Variants in TNR observed in about 807,000 individuals in gnomAD.
TNR encodes the protein tenascin-R.
A neutral mutation model predicts 150.4 loss-of-function variants in TNR; 45 were observed. The ratio of observed to expected loss-of-function variants is 0.30; its 90% CI spans 0.24 to 0.38. The LOEUF is 0.38. Among genes scored for constraint, TNR ranks in the 10% least tolerant of loss-of-function variants. The pLI, the probability that TNR is intolerant of heterozygous loss-of-function variation, is 1.00. For missense variants in TNR, 1,544 were observed against 1,759.1 expected (o/e 0.88, Z 2.19); for synonymous variants, 687 against 678.4 (o/e 1.01, Z -0.20).
At chr1:175,462,732 C>T (rs1370494733) in intron 2 of TNR, among the ~76,000 whole-genome samples, 1 of 152,134 alleles carries the variant, frequency 6.6e-6, no homozygotes, top group Non-Finnish European at 1.5e-5. Flanking sequence ...TTTATCCTGA[C>T]AAGGTGAGTG....
At chr1:175,440,544 A>T (rs1021543643) in intron 2 of TNR, among the ~76,000 whole-genome samples, 12 of 151,828 alleles carry the variant, frequency 7.9e-5, no homozygotes, top group African/African-American at 1.9e-4. Context: ...AAAATAAAAT[A>T]AAATAAAGGA....
chr1:175,520,482 G>A (rs1044015154), intron 2 of TNR, among the ~76,000 whole-genome samples: 15 of 152,284 alleles, frequency 9.9e-5, no homozygotes, highest in African/African-American at 3.4e-4. Flanking sequence ...TATTCACCCT[G>A]CCACCTGGCC....
At chr1:175,625,363 TA>T (rs1421251624) in intron 1 of TNR, among the ~76,000 whole-genome samples, 3 of 152,208 alleles carry the variant, frequency 2.0e-5, no homozygotes, top group Non-Finnish European at 4.4e-5. Context: ...AGCGAATATG[TA>T]ATGGCTGGTA....
chr1:175,700,855 T>C (rs192852393), intron 1 of TNR, among the ~76,000 whole-genome samples: 22 of 152,334 alleles, frequency 1.4e-4, no homozygotes, highest in African/African-American at 5.1e-4. Flanking sequence ...CATTTTCTAC[T>C]CATTGACACC....
rs1557920255 is a variant in TNR, at chr1:175,417,055, G to GAAAGAAAGAAAGAAAGAAAGAAAGAA, written c.-63-10279_-63-10278insTTCTTTCTTTCTTTCTTTCTTTCTTT. On this transcript the variant is annotated intron_variant, in intron 2 of 22. Coordinates refer to ENST00000367674, the MANE Select transcript of TNR (RefSeq NM_003285.3). ...AGAAAGAAAGAAAGAAAGAAAGAAA[G>GAAAGAAAGAAAGAAAGAAAGAAAGAA]AAAGAAAGAAAGAAAGAAAGAAATC... Among the ~76,000 whole-genome samples, 302 of 103,804 alleles carry GAAAGAAAGAAAGAAAGAAAGAAAGAA rather than the reference G, an allele frequency of 2.9e-3. 2 individuals are homozygous for GAAAGAAAGAAAGAAAGAAAGAAAGAA. Among genetic ancestry groups the GAAAGAAAGAAAGAAAGAAAGAAAGAA allele is most frequent in the African/African-American group, 9.8e-3 (293 of 30,044 alleles). 68.1% of individuals were successfully genotyped at this position (103,804 alleles called of 152,430 possible). A position where few individuals can be genotyped will look rare whatever the true frequency, so the allele number is the denominator to read the frequency against.
At chr1:175,519,127 T>C (rs1016356702) in intron 2 of TNR, among the ~76,000 whole-genome samples, 2 of 152,210 alleles carry the variant, frequency 1.3e-5, no homozygotes, top group African/African-American at 4.8e-5. Flanking sequence ...TCTCTTTCTG[T>C]AACAGCCAGA....
chr1:175,684,457 C>T (rs1162766211), intron 1 of TNR, among the ~76,000 whole-genome samples: 3 of 152,132 alleles, frequency 2.0e-5, no homozygotes, highest in African/African-American at 4.8e-5. Flanking sequence ...AACCTAAAAT[C>T]AAGTAGACAT....
chr1:175,741,024 G>A (rs1268148857), intron 1 of TNR, among the ~76,000 whole-genome samples: 1 of 152,134 alleles, frequency 6.6e-6, no homozygotes, highest in East Asian at 1.9e-4. Flanking sequence ...CCTGGCTCTT[G>A]GCCATCTTCT....
intron 1 of TNR, among the ~76,000 whole-genome samples, chr1:175,568,268 A>G (rs894240080): frequency 6.6e-6 from 1 of 151,420 alleles, no homozygotes; most frequent in African/African-American, 2.4e-5. Flanking sequence ...ATGATGGATC[A>G]CTGCTTTTCT....
At chr1:175,651,570 T>C (rs1664998306) in intron 1 of TNR, among the ~76,000 whole-genome samples, 1 of 151,986 alleles carries the variant, frequency 6.6e-6, no homozygotes, top group Non-Finnish European at 1.5e-5. Context: ...ATTACAGATA[T>C]TATAATGGTA....
chr1:175,722,809 C>G (rs558679199), intron 1 of TNR, among the ~76,000 whole-genome samples: 2 of 145,574 alleles, frequency 1.4e-5, no homozygotes, highest in South Asian at 4.5e-4. Context: ...CCCCTGCCCC[C>G]GAGACAGAGT....
intron 2 of TNR, among the ~76,000 whole-genome samples, chr1:175,513,566 A>G (rs1204324498): frequency 6.6e-6 from 1 of 152,104 alleles, no homozygotes; most frequent in East Asian, 1.9e-4. Context: ...AGCCCTCCTC[A>G]TCTCAAGGTT....
intron 2 of TNR, among the ~76,000 whole-genome samples, chr1:175,524,978 G>A (rs776043238): frequency 4.6e-5 from 7 of 152,120 alleles, no homozygotes; most frequent in Non-Finnish European, 1.0e-4. Context: ...ATAGTGATAT[G>A]GTTTGGCTGT....
intron 1 of TNR, among the ~76,000 whole-genome samples, chr1:175,614,643 C>G (rs978524711): frequency 6.6e-6 from 1 of 152,202 alleles, no homozygotes; most frequent in African/African-American, 2.4e-5. Context: ...TATGGATATG[C>G]ACTTCAGGCA....
intron 2 of TNR, among the ~76,000 whole-genome samples, chr1:175,501,944 T>C (rs371068807): frequency 1.1e-3 from 171 of 152,144 alleles, no homozygotes; most frequent in Middle Eastern, 0.01. Flanking sequence ...TAATTCAGTG[T>C]AGTAGGAGTT....
At chr1:175,627,031 T>C (rs990268966) in intron 1 of TNR, among the ~76,000 whole-genome samples, 2 of 152,232 alleles carry the variant, frequency 1.3e-5, no homozygotes, top group African/African-American at 4.8e-5. Flanking sequence ...ACCTAGATCC[T>C]GTTATCACCT....
chr1:175,733,896 C>A (rs1667706411), intron 1 of TNR, among the ~76,000 whole-genome samples: 1 of 152,168 alleles, frequency 6.6e-6, no homozygotes, highest in Admixed American at 6.5e-5. Flanking sequence ...GTGAGCTACA[C>A]TCCTGCTTCT....
At chr1:175,461,259 T>A (rs983860209) in intron 2 of TNR, among the ~76,000 whole-genome samples, 1 of 152,212 alleles carries the variant, frequency 6.6e-6, no homozygotes, top group Non-Finnish European at 1.5e-5. Flanking sequence ...TCATAGCAGC[T>A]GGTGGCTGCA....
At position 175,365,765 on chromosome 1, in the gene TNR, C is replaced by A. The variant is rs148438300; in HGVS notation, c.2317+110G>T. 3.6e-4 allele frequency: 535 copies of A among 1,479,714 alleles called. 2 individuals carry two copies. The East Asian group carries it at 0.012, about 32-fold the overall frequency. 91.7% of individuals were successfully genotyped at this position (1,479,714 alleles called of 1,614,324 possible). On this transcript the variant is annotated intron_variant, in intron 11 of 22. Transcript: ENST00000367674. Reference sequence around the variant, plus strand: ...ACTCTATCCTTTTCTACCCACCTCTCTTTTCTCCAAAGGAAATGGAACATT... The same window carrying A: ...ACTCTATCCTTTTCTACCCACCTCTATTTTCTCCAAAGGAAATGGAACATT...
Sources: allele counts gnomAD v4.1 joint callset (sites outside exome capture counted in the v4.1 genomes callset), GRCh38; gene constraint gnomAD v4.1.1; transcripts MANE v1.5; gene names NCBI Gene and HGNC (gene_info 2026-07-23, HGNC 2026-07-21).